The following NBAS variants were observed in gnomAD, a reference collection of about 807,000 sequenced individuals.
NBAS encodes NAG/BC035112 fusion.
NBAS carries 219 observed loss-of-function variants against 302.5 expected under a neutral mutation model. The observed-to-expected ratio is 0.72, with a 90% confidence interval of 0.65 to 0.81. The LOEUF is 0.81. Among genes scored for constraint, NBAS ranks in the 30% least tolerant of loss-of-function variants. NBAS has a pLI of 0.00. For missense variants in NBAS, 2,932 were observed against 2,841.6 expected (o/e 1.03, Z -0.72); for synonymous variants, 1,118 against 1,021.6 (o/e 1.09, Z -1.80).
At chr2:15,336,525 A>G (rs752771938) in intron 35 of NBAS, among the ~76,000 whole-genome samples, 6 of 152,170 alleles carry the variant, frequency 3.9e-5, no homozygotes, top group Non-Finnish European at 5.9e-5. Flanking sequence ...CGAGGTCAGG[A>G]GTTCAAGACC....
chr2:15,421,628 A>T (rs1677217685), intron 23 of NBAS, among the ~76,000 whole-genome samples: 1 of 152,136 alleles, frequency 6.6e-6, no homozygotes, highest in Non-Finnish European at 1.5e-5. Flanking sequence ...CAAAAAAAAA[A>T]AGCCTCTAAG....
At position 15,328,290 on chromosome 2, in the gene NBAS, T is replaced by C. The variant is rs1213568885; in HGVS notation, c.4370A>G (p.Tyr1457Cys). 2.5e-6 allele frequency: 4 copies of C among 1,613,658 alleles called. No homozygotes were observed. Among genetic ancestry groups the C allele is most frequent in the Non-Finnish European group, 3.4e-6 (4 of 1,179,908 alleles). The change falls in exon 37 of 52, where the codon TAT becomes TGT. Residue 1457 changes from tyrosine to cysteine, a missense_variant. Coordinates refer to ENST00000281513, the MANE Select transcript of NBAS (RefSeq NM_015909.4). ...PLQGQKCGGA[Y>C]QIGTTANEDL... ...TTCATTGGCTGTAGTTCCGATTTGA[T>C]ATGCACCACCACATTTTTGCCCCTA...
At chr2:15,516,231 A>G (rs905941678) in intron 9 of NBAS, among the ~76,000 whole-genome samples, 1 of 152,182 alleles carries the variant, frequency 6.6e-6, no homozygotes, top group Admixed American at 6.5e-5. Context: ...AGAATTTTTC[A>G]TGGAACTGAA....
chr2:15,121,532 T>A, the NBAS span, among the ~76,000 whole-genome samples: 5 of 152,164 alleles, frequency 3.3e-5, no homozygotes, highest in African/African-American at 1.2e-4. Context: ...AGGATGGAAT[T>A]CAGGCATTCC....
At chr2:14,836,297 G>T in the NBAS span, among the ~76,000 whole-genome samples, 1,089 of 151,702 alleles carry the variant, frequency 7.2e-3, 12 homozygotes, top group African/African-American at 0.025. Context: ...ATTTTATTGT[G>T]TTACAACTAT....
the NBAS span, among the ~76,000 whole-genome samples, chr2:15,068,325 T>A: frequency 2.6e-5 from 4 of 152,196 alleles, no homozygotes; most frequent in Admixed American, 6.5e-5. Context: ...CGATGCCGAA[T>A]TCAGTGGCAG....
At chr2:14,957,825 G>C in the NBAS span, among the ~76,000 whole-genome samples, 5 of 152,296 alleles carry the variant, frequency 3.3e-5, no homozygotes, top group South Asian at 1.0e-3. Flanking sequence ...CATTTGCTGA[G>C]TGCCAACTCA....
intron 38 of NBAS, among the ~76,000 whole-genome samples, chr2:15,321,112 T>C (rs899243124): frequency 6.6e-6 from 1 of 152,184 alleles, no homozygotes; most frequent in Non-Finnish European, 1.5e-5. Context: ...CCATCTAATC[T>C]TTGACAAACC....
At chr2:15,144,048 A>AATAT in the NBAS span, among the ~76,000 whole-genome samples, 5 of 113,824 alleles carry the variant, frequency 4.4e-5, no homozygotes, top group Non-Finnish European at 5.0e-5. Flanking sequence ...TATATATAAA[A>AATAT]ATATATATAT....
At chr2:15,499,565 G>T (rs1020881858) in intron 11 of NBAS, among the ~76,000 whole-genome samples, 1 of 152,086 alleles carries the variant, frequency 6.6e-6, no homozygotes, top group South Asian at 2.1e-4. Context: ...TAAATGATGA[G>T]AACACATAGA....
intron 22 of NBAS, among the ~76,000 whole-genome samples, chr2:15,426,487 TCTTA>T (rs776458233): frequency 6.6e-6 from 1 of 152,226 alleles, no homozygotes; most frequent in African/African-American, 2.4e-5. Context: ...ATAACTGGTC[TCTTA>T]CTTTCTAGCT....
rs571142309 is a variant in NBAS at position 15,345,083 on chromosome 2, T to C, written c.4179+6909A>G. Reference sequence around the variant, plus strand: ...ATGGGCAAAAACTGGAAGCATTCTCTTTGAAAACTGGTACAAGACAAGGAT... The same window carrying C: ...ATGGGCAAAAACTGGAAGCATTCTCCTTGAAAACTGGTACAAGACAAGGAT... On this transcript the variant is annotated intron_variant, in intron 35 of 51. Coordinates refer to ENST00000281513, the MANE Select transcript of NBAS (RefSeq NM_015909.4). Among the ~76,000 whole-genome samples the C allele has an allele frequency of 4.6e-5, 7 of 152,244 alleles. No homozygotes were observed. The East Asian group carries it at 1.4e-3, about 29-fold the overall frequency.
chr2:15,126,909 C>G, the NBAS span, among the ~76,000 whole-genome samples: 4 of 152,130 alleles, frequency 2.6e-5, no homozygotes, highest in Non-Finnish European at 5.9e-5. Context: ...AATAGAGGTA[C>G]CTTCTTCACC....
At chr2:14,790,611 T>A in the NBAS span, among the ~76,000 whole-genome samples, 4 of 151,402 alleles carry the variant, frequency 2.6e-5, no homozygotes, top group Non-Finnish European at 4.4e-5. Context: ...TCTTTCAATC[T>A]CATGAAGGTA....
chr2:14,930,093 G>A, the NBAS span, among the ~76,000 whole-genome samples: 1 of 152,162 alleles, frequency 6.6e-6, no homozygotes, highest in Non-Finnish European at 1.5e-5. Flanking sequence ...TGCAGCCTGT[G>A]GAACTGTGAG....
At chr2:14,862,723 T>C in the NBAS span, among the ~76,000 whole-genome samples, 1 of 152,248 alleles carries the variant, frequency 6.6e-6, no homozygotes, top group Non-Finnish European at 1.5e-5. Context: ...ACACAGCTTT[T>C]ATTATTTAAG....
the NBAS span, among the ~76,000 whole-genome samples, chr2:14,915,526 A>G: frequency 6.6e-6 from 1 of 152,132 alleles, no homozygotes; most frequent in African/African-American, 2.4e-5. Context: ...TTCCCATGCT[A>G]TTCTCATGAC....
intron 35 of NBAS, among the ~76,000 whole-genome samples, chr2:15,334,303 C>A (rs902553677): frequency 2.0e-5 from 3 of 151,988 alleles, no homozygotes; most frequent in Non-Finnish European, 4.4e-5. Context: ...CATTCTCCTG[C>A]CTCAGCCTCC....
chr2:15,444,573 C>T lies in NBAS; in HGVS notation c.2339+16628G>A, dbSNP rs536094898. 4.1e-3 allele frequency among the ~76,000 whole-genome samples: 626 copies of T among 152,212 alleles called. 5 individuals carry two copies. The highest frequency in any genetic ancestry group is 0.013 in the African/African-American group (560 of 41,506). Reference sequence around the variant, plus strand: ...CCCCTAGAAGAAAACCTAGGCATTACCATTCAGGACATAGGCATGGGCAAG... The same window carrying T: ...CCCCTAGAAGAAAACCTAGGCATTATCATTCAGGACATAGGCATGGGCAAG... On this transcript the variant is annotated intron_variant, in intron 21 of 51. Coordinates refer to ENST00000281513, the MANE Select transcript of NBAS (RefSeq NM_015909.4).
Sources: gnomAD v4.1 joint callset for allele counts (sites outside exome capture counted in the v4.1 genomes callset) on GRCh38, gnomAD v4.1.1 for gene constraint, MANE v1.5 for transcripts, NCBI Gene and HGNC (gene_info 2026-07-23, HGNC 2026-07-21) for gene names.